Variants in NET1 observed in about 807,000 individuals in gnomAD.
NET1 encodes neuroepithelial cell transforming 1.
In NET1, 42 loss-of-function variants were observed where a neutral mutation model predicts 61.1. The ratio of observed to expected loss-of-function variants is 0.69; its 90% CI spans 0.54 to 0.89. The LOEUF (loss-of-function observed/expected upper bound fraction) is 0.89, where lower values mean the gene tolerates loss of function less well. Ranked by LOEUF, NET1 falls within the 40% of genes least tolerant of loss-of-function variation. The probability of loss-of-function intolerance (pLI) is 0.00; values close to 1 mark genes in which losing one functional copy is unlikely to be tolerated. For missense variants in NET1, 654 were observed against 747.3 expected (o/e 0.88, Z 1.46); for synonymous variants, 254 against 281.8 (o/e 0.90, Z 0.99).
intron 2 of NET1, among the ~76,000 whole-genome samples, chr10:5,428,752 T>G (rs897158419): frequency 1.3e-5 from 2 of 151,400 alleles, no homozygotes; most frequent in Non-Finnish European, 2.9e-5. Context: ...AGAGGAAATC[T>G]TGCTCTGTCA....
rs1832644215 is a variant in NET1, at chr10:5,447,990, T to A, written c.256-3840T>A. On this transcript the variant is annotated intron_variant, in intron 3 of 11. Transcript: ENST00000355029. This position sits in a 1 kb window ranked among gnomAD's most constrained non-coding sequence, Gnocchi z 4.1. ...AAGCACTAGGAATGTTGTCACGGTT[T>A]TAGATCTAGTGACACAGCTCTAAAT... is the stretch of plus-strand genomic sequence containing the variant. Among the ~76,000 whole-genome samples, 1 of 152,268 alleles carries A rather than the reference T, an allele frequency of 6.6e-6. No individual in the cohort carries two copies. Among genetic ancestry groups the A allele is most frequent in the Non-Finnish European group, 1.5e-5 (1 of 68,048 alleles).
At position 5,454,875 on chromosome 10, in the gene NET1, AT is replaced by A; in HGVS notation, c.1027-68del. 1 of 1,430,230 alleles carries A rather than the reference AT, an allele frequency of 7.0e-7. No homozygotes were observed. The highest frequency in any genetic ancestry group is 2.3e-5 in the East Asian group (1 of 43,748). The allele number at this position is 1,430,230 out of a possible 1,614,324, so 88.6% of individuals were successfully genotyped here. ...TTAAAGTTCTTCCATTCCATATGAC[AT>A]TTTTGCTCTGCAGGAAGCAGAATGA... On this transcript the variant is annotated intron_variant, in intron 9 of 11. Coordinates refer to ENST00000355029, the MANE Select transcript of NET1 (RefSeq NM_001047160.3). The surrounding 1 kb of genome is among the most constrained non-coding windows in gnomAD (Gnocchi z 8.1).
chr10:5,429,874 C>CT (rs1168049533), intron 3 of NET1, among the ~76,000 whole-genome samples: 1 of 144,628 alleles, frequency 6.9e-6, no homozygotes, highest in Non-Finnish European at 1.6e-5. Context: ...TTTGGAGAGT[C>CT]TTTTTTTAAG....
In NET1 at chr10:5,451,657, G is replaced by A. The variant is rs1225919546; in HGVS notation, c.256-173G>A. On this transcript the variant is annotated intron_variant, in intron 3 of 11. Transcript: ENST00000355029. The surrounding 1 kb of genome is among the most constrained non-coding windows in gnomAD (Gnocchi z 6.1). Reference sequence around the variant, plus strand: ...CACACTTATTTTTTGAAAAGTTACTGCTACTCAATAGAGTTCTTATTGTTT... The same window carrying A: ...CACACTTATTTTTTGAAAAGTTACTACTACTCAATAGAGTTCTTATTGTTT... 3.3e-5 allele frequency among the ~76,000 whole-genome samples: 5 copies of A among 152,036 alleles called. No individual in the cohort carries two copies. The highest frequency in any genetic ancestry group is 2.9e-5 in the Non-Finnish European group (2 of 68,002).
In NET1 at chr10:5,423,079, A is replaced by G. The variant is rs199907801; in HGVS notation, c.129-3576A>G. 6.6e-6 allele frequency among the ~76,000 whole-genome samples: 1 copy of G among 152,332 alleles called. No homozygotes were observed. Among genetic ancestry groups the G allele is most frequent in the East Asian group, 1.9e-4 (1 of 5,190 alleles). ...ATTTTTAGGATAAGAGTATATGTAC[A>G]GTGCTTGTCACATAGTAGGCACCCA... On this transcript the variant is annotated intron_variant, in intron 1 of 11. Transcript: ENST00000355029. This position sits in a 1 kb window ranked among gnomAD's most constrained non-coding sequence, Gnocchi z 4.4.
chr10:5,436,455 C>T (rs1832440489), intron 3 of NET1, among the ~76,000 whole-genome samples: 1 of 149,386 alleles, frequency 6.7e-6, no homozygotes, highest in Non-Finnish European at 1.5e-5. Flanking sequence ...AGAGTGGTAT[C>T]GAACTCCTGA....
In NET1 at chr10:5,454,415, T is replaced by C; in HGVS notation, c.919T>C (p.Phe307Leu). ...CAGTCGAAAACTAGATCTTTGGAGT[T>C]TCCTAGATATCCCTCGAAGTCGCCT... ...PFSRKLDLWS[F>L]LDIPRSRLVK... The change falls in exon 9 of 12, where the codon TTC (phenylalanine) becomes CTC (leucine). Residue 307 changes from phenylalanine to leucine, a missense_variant. Transcript: ENST00000355029. This position sits in a 1 kb window ranked among gnomAD's most constrained non-coding sequence, Gnocchi z 8.1. 6.2e-7 allele frequency: 1 copy of C among 1,614,160 alleles called. No individual in the cohort carries two copies. Among genetic ancestry groups the C allele is most frequent in the African/African-American group, 1.3e-5 (1 of 75,042 alleles).
Position 5,435,526 on chromosome 10 carries a change from T to C in NET1, c.255+6297T>C, listed in dbSNP as rs764209371. Among the ~76,000 whole-genome samples the C allele has an allele frequency of 0.052, 1,072 of 20,530 alleles. 16 individuals are homozygous for C. The highest frequency in any genetic ancestry group is 0.13 in the African/African-American group (791 of 6,072). The allele number at this position is 20,530 out of a possible 152,430, so 13.5% of individuals were successfully genotyped here. A position where few individuals can be genotyped will look rare whatever the true frequency, so the allele number is the denominator to read the frequency against. On this transcript the variant is annotated intron_variant, in intron 3 of 11. Transcript: ENST00000355029. The surrounding 1 kb of genome is among the most constrained non-coding windows in gnomAD (Gnocchi z 5.0). ...ATAGATAGATAGATAGATAGATAGA[T>C]AGATAGACAGACAGACAGATAGATA...
At position 5,420,438 on chromosome 10, in the gene NET1, G is replaced by A. The variant is rs1431740811; in HGVS notation, c.129-6217G>A. Among the ~76,000 whole-genome samples the A allele has an allele frequency of 6.6e-6, 1 of 152,130 alleles. No homozygotes were observed. The highest frequency in any genetic ancestry group is 1.5e-5 in the Non-Finnish European group (1 of 68,018). On this transcript the variant is annotated intron_variant, in intron 1 of 11. Coordinates refer to ENST00000355029, the MANE Select transcript of NET1 (RefSeq NM_001047160.3). The surrounding 1 kb of genome is among the most constrained non-coding windows in gnomAD (Gnocchi z 5.3). ...TAAGATGTATTTGGGATTTTAGGTT[G>A]TTTGTTGATACATCTCCTCTATACA... is the stretch of plus-strand genomic sequence containing the variant.
At position 5,453,449 on chromosome 10, in the gene NET1, C is replaced by T; in HGVS notation, c.692-35C>T. 1 of 1,604,980 alleles carries T rather than the reference C, an allele frequency of 6.2e-7. No homozygotes were observed. The highest frequency in any genetic ancestry group is 1.7e-5 in the Admixed American group (1 of 59,980). ...GTGCTGACCTATTTTTTAAATAAACCTGTTAATGGTGTTTATGCTTTTTTA... is the reference window on the plus strand; with the variant it reads ...GTGCTGACCTATTTTTTAAATAAACTTGTTAATGGTGTTTATGCTTTTTTA... On this transcript the variant is annotated intron_variant, in intron 7 of 11. Transcript: ENST00000355029. This position sits in a 1 kb window ranked among gnomAD's most constrained non-coding sequence, Gnocchi z 4.9.
chr10:5,417,696 C>A lies in NET1; in HGVS notation c.128+4876C>A, dbSNP rs1489247629. Among the ~76,000 whole-genome samples the A allele has an allele frequency of 6.6e-6, 1 of 152,120 alleles. No homozygotes were observed. The highest frequency in any genetic ancestry group is 2.4e-5 in the African/African-American group (1 of 41,416). ...TCTTTCCTAATTGCCCTGGGTAGGGCCTCCTGTACAACGCTGAACAGAAGT... is the reference window on the plus strand; with the variant it reads ...TCTTTCCTAATTGCCCTGGGTAGGGACTCCTGTACAACGCTGAACAGAAGT... On this transcript the variant is annotated intron_variant, in intron 1 of 11. Coordinates refer to ENST00000355029, the MANE Select transcript of NET1 (RefSeq NM_001047160.3). This position sits in a 1 kb window ranked among gnomAD's most constrained non-coding sequence, Gnocchi z 5.5.
chr10:5,451,955 A>C lies in NET1; in HGVS notation c.363+18A>C. 6.3e-7 allele frequency: 1 copy of C among 1,577,042 alleles called. No homozygotes were observed. Among genetic ancestry groups the C allele is most frequent in the South Asian group, 1.1e-5 (1 of 90,164 alleles). On this transcript the variant is annotated intron_variant, in intron 4 of 11. Transcript: ENST00000355029. The surrounding 1 kb of genome is among the most constrained non-coding windows in gnomAD (Gnocchi z 6.1). Reference sequence around the variant, plus strand: ...CAATACAGGTAAAAAGAGAGGAGGAAGAGTAATGTAGTCAGCGGACTTTAT... The same window carrying C: ...CAATACAGGTAAAAAGAGAGGAGGACGAGTAATGTAGTCAGCGGACTTTAT...
rs2119187750 is a variant in NET1, at chr10:5,435,356, T to C, written c.255+6127T>C. 6.6e-6 allele frequency among the ~76,000 whole-genome samples: 1 copy of C among 152,346 alleles called. No homozygotes were observed. Among genetic ancestry groups the C allele is most frequent in the Admixed American group, 6.5e-5 (1 of 15,304 alleles). The stretch of plus-strand genomic sequence containing the variant: ...GTTATTCCTCCCTCCCCCTGATTTT[T>C]GCTTGGACTTACATCTAAATACAAC... On this transcript the variant is annotated intron_variant, in intron 3 of 11. Transcript: ENST00000355029. The surrounding 1 kb of genome is among the most constrained non-coding windows in gnomAD (Gnocchi z 5.0).
chr10:5,426,790 GT>G lies in NET1; in HGVS notation c.195+71del. 1.8e-6 allele frequency: 2 copies of G among 1,111,092 alleles called. No homozygotes were observed. 68.8% of individuals were successfully genotyped at this position (1,111,092 alleles called of 1,614,324 possible). A position where few individuals can be genotyped will look rare whatever the true frequency, so the allele number is the denominator to read the frequency against. ...TTAATTCCCTGGTTTCTTTCAGTCT[GT>G]TACACAGATCAGTGGTCCTTACTTC... On this transcript the variant is annotated intron_variant, in intron 2 of 11. Transcript: ENST00000355029. The surrounding 1 kb of genome is among the most constrained non-coding windows in gnomAD (Gnocchi z 4.6).
intron 1 of NET1, among the ~76,000 whole-genome samples, chr10:5,414,866 T>C (rs979787363): frequency 3.9e-5 from 6 of 152,154 alleles, no homozygotes; most frequent in Non-Finnish European, 8.8e-5. Context: ...TGGGGTGTGT[T>C]GTGAGCAGGA....
At chr10:5,436,263 T>A (rs1472020173) in intron 3 of NET1, among the ~76,000 whole-genome samples, 2 of 120,574 alleles carry the variant, frequency 1.7e-5, no homozygotes, top group Non-Finnish European at 3.5e-5. Context: ...TTTTTTTTTT[T>A]TTTTTTTTTT....
At position 5,449,952 on chromosome 10, in the gene NET1, G is replaced by T. The variant is rs1052168637; in HGVS notation, c.256-1878G>T. 6.6e-6 allele frequency among the ~76,000 whole-genome samples: 1 copy of T among 152,174 alleles called. No individual in the cohort carries two copies. The highest frequency in any genetic ancestry group is 6.5e-5 in the Admixed American group (1 of 15,280). ...GACAACTGCTTTGTTCCAGTGAAAT[G>T]TCGGCATTTCTTACTCTGTGAGGTA... is the stretch of plus-strand genomic sequence containing the variant. On this transcript the variant is annotated intron_variant, in intron 3 of 11. Transcript: ENST00000355029. This position sits in a 1 kb window ranked among gnomAD's most constrained non-coding sequence, Gnocchi z 4.4.
rs1319933132 is a variant in NET1, at chr10:5,451,875, T to G, written c.301T>G (p.Leu101Val). 6.2e-7 allele frequency: 1 copy of G among 1,614,066 alleles called. No homozygotes were observed. The highest frequency in any genetic ancestry group is 8.5e-7 in the Non-Finnish European group (1 of 1,179,976). ...TCGACCTCTGGCTCGTGTCACGTCC[T>G]TGGCAAATTTAATCTCTCCTGTAAG... ...RVRPLARVTSLANLISPVRNG... is the reference protein window; with the variant it reads ...RVRPLARVTSVANLISPVRNG... Residue 101 changes from leucine (L) to valine (V), a missense_variant, in exon 4 of 12, where the codon TTG (leucine) becomes GTG (valine). By Grantham distance (32) the Leu-to-Val change is conservative. Coordinates refer to ENST00000355029, the MANE Select transcript of NET1 (RefSeq NM_001047160.3). The surrounding 1 kb of genome is among the most constrained non-coding windows in gnomAD (Gnocchi z 6.1).
chr10:5,437,904 A>AT lies in NET1; in HGVS notation c.255+8682dup, dbSNP rs1452282008. ...ATAAAGACTGAAATCATACAGACTA[A>AT]TTTTTTTAACACAGAGAGTGAAACT... On this transcript the variant is annotated intron_variant, in intron 3 of 11. Transcript: ENST00000355029. This position sits in a 1 kb window ranked among gnomAD's most constrained non-coding sequence, Gnocchi z 4.3. 2.6e-5 allele frequency among the ~76,000 whole-genome samples: 4 copies of AT among 152,186 alleles called. No homozygotes were observed. The highest frequency in any genetic ancestry group is 6.5e-5 in the Admixed American group (1 of 15,282).
Sources: allele counts gnomAD v4.1 joint callset (sites outside exome capture counted in the v4.1 genomes callset), GRCh38; gene constraint gnomAD v4.1.1; non-coding constraint Gnocchi (gnomAD v3.1); transcripts MANE v1.5; gene names NCBI Gene and HGNC (gene_info 2026-07-23, HGNC 2026-07-21).